The following PIP5K1B variants were observed in gnomAD, a reference collection of about 807,000 sequenced individuals.
The protein encoded by PIP5K1B is phosphatidylinositol 4-phosphate 5-kinase type-1 beta.
A neutral mutation model predicts 67.0 loss-of-function variants in PIP5K1B; 42 were observed. The ratio of observed to expected loss-of-function variants is 0.63; its 90% confidence interval spans 0.49 to 0.81. The LOEUF (loss-of-function observed/expected upper bound fraction) is 0.81. Ranked by LOEUF, PIP5K1B falls within the 30% of genes least tolerant of loss-of-function variation. PIP5K1B has a pLI of 0.00. For missense variants in PIP5K1B, 459 were observed against 646.3 expected, an observed-to-expected ratio of 0.71 and a Z score of 3.14; for synonymous variants, 214 against 231.4, an observed-to-expected ratio of 0.92 and a Z score of 0.68.
intron 13 of PIP5K1B, among the ~76,000 whole-genome samples, chr9:68,937,071 C>CT (rs1827299725): frequency 6.6e-6 from 1 of 152,004 alleles, no homozygotes; most frequent in Admixed American, 6.6e-5. Flanking sequence ...CTGAAATTTT[C>CT]TTTTTTTGCT....
At chr9:68,867,498 T>C (rs1823418025) in intron 5 of PIP5K1B, among the ~76,000 whole-genome samples, 1 of 152,240 alleles carries the variant, frequency 6.6e-6, no homozygotes. Context: ...CTTTGTTGGA[T>C]AAGACAACTC....
intron 5 of PIP5K1B, among the ~76,000 whole-genome samples, chr9:68,865,044 C>T (rs1287146014): frequency 6.6e-6 from 1 of 152,178 alleles, no homozygotes; most frequent in Non-Finnish European, 1.5e-5. Context: ...CACATAGTCA[C>T]CAAGGAGCAG....
intron 2 of PIP5K1B, among the ~76,000 whole-genome samples, chr9:68,813,888 C>T (rs1833294592): frequency 6.6e-6 from 1 of 152,160 alleles, no homozygotes; most frequent in Admixed American, 6.5e-5. Flanking sequence ...TTATTTTGGA[C>T]TTCTAGCCTC....
chr9:68,873,774 G>A (rs773756997), intron 5 of PIP5K1B, among the ~76,000 whole-genome samples: 26 of 152,192 alleles, frequency 1.7e-4, no homozygotes, highest in Non-Finnish European at 3.1e-4. Flanking sequence ...ATTTGTAGAG[G>A]TTCTGTACTG....
chr9:68,922,363 C>T (rs10781276), intron 11 of PIP5K1B, among the ~76,000 whole-genome samples: 133,425 of 151,596 alleles, frequency 0.88, 59,484 homozygotes, highest in Non-Finnish European at 0.95. Flanking sequence ...CTGATGATGC[C>T]GATGCAGGAG....
chr9:68,786,281 A>G (rs1831609790), intron 2 of PIP5K1B: 1 of 152,174 alleles, frequency 6.6e-6, no homozygotes, highest in South Asian at 2.1e-4. Context: ...TTGAGCATTC[A>G]CTATGGGTCC....
In PIP5K1B at chr9:68,822,657, C is replaced by T; in HGVS notation, c.43C>T (p.Gln15Ter). 1.2e-6 allele frequency: 2 copies of T among 1,612,956 alleles called. No individual in the cohort carries two copies. Among genetic ancestry groups the T allele is most frequent in the Non-Finnish European group, 1.7e-6 (2 of 1,179,272 alleles). Reference protein sequence around the residue: ...AENGEAAPGKQNEEKTYKKTA... With the variant: ...AENGEAAPGK ...AAATGGAGAGGCAGCACCTGGAAAACAAAATGAAGAAAAAACCTATAAAAA... is the reference window on the plus strand; with the variant it reads ...AAATGGAGAGGCAGCACCTGGAAAATAAAATGAAGAAAAAACCTATAAAAA... The change falls in exon 4 of 16, where the codon CAA becomes TAA. Residue 15 changes from glutamine (Q) to a stop codon, truncating the protein, a stop_gained. Coordinates refer to ENST00000265382, the MANE Select transcript of PIP5K1B (RefSeq NM_003558.4). LOFTEE classifies it high-confidence loss of function.
chr9:68,799,753 T>A (rs1296100072), intron 2 of PIP5K1B, among the ~76,000 whole-genome samples: 2 of 152,126 alleles, frequency 1.3e-5, no homozygotes, highest in Non-Finnish European at 2.9e-5. Context: ...ATGAATGACT[T>A]AAAAATAATA....
chr9:68,880,968 G>A (rs953155675), intron 6 of PIP5K1B, among the ~76,000 whole-genome samples: 3 of 152,182 alleles, frequency 2.0e-5, no homozygotes, highest in East Asian at 3.9e-4. Flanking sequence ...GGAAAGGGTC[G>A]TTTGCATGAC....
intron 8 of PIP5K1B, among the ~76,000 whole-genome samples, chr9:68,912,672 A>G (rs536734309): frequency 5.3e-5 from 8 of 152,310 alleles, no homozygotes; most frequent in African/African-American, 1.9e-4. Flanking sequence ...ACTTTGCCCA[A>G]AAACAAGCAA....
intron 2 of PIP5K1B, chr9:68,784,194 C>A (rs567881035): frequency 9.0e-5 from 15 of 167,190 alleles, no homozygotes; most frequent in Non-Finnish European, 1.6e-4. Context: ...CATCATTATT[C>A]TGTAGACTGT....
intron 14 of PIP5K1B, among the ~76,000 whole-genome samples, chr9:68,952,955 G>A (rs1187595977): frequency 1.3e-5 from 2 of 151,296 alleles, no homozygotes. Flanking sequence ...CTAGGCCTTG[G>A]TGCAGGTCTA....
intron 7 of PIP5K1B, 91 bp downstream of exon 7, chr9:68,889,224 C>A: frequency 1.1e-6 from 1 of 906,460 alleles, no homozygotes; most frequent in Non-Finnish European, 1.7e-6. Context: ...GTGACTCAGG[C>A]ATGTTTCTTT....
intron 12 of PIP5K1B, among the ~76,000 whole-genome samples, chr9:68,934,212 T>C (rs1827143168): frequency 1.3e-5 from 2 of 152,224 alleles, no homozygotes; most frequent in African/African-American, 4.8e-5. Context: ...CAAGCATGAT[T>C]GATGGTGAAG....
intron 5 of PIP5K1B, among the ~76,000 whole-genome samples, chr9:68,866,535 A>C (rs1823363737): frequency 6.6e-6 from 1 of 152,218 alleles, no homozygotes; most frequent in African/African-American, 2.4e-5. Flanking sequence ...TGAAATAGAA[A>C]GGCTAAATAG....
intron 8 of PIP5K1B, among the ~76,000 whole-genome samples, chr9:68,903,886 G>T (rs984514797): frequency 3.9e-5 from 6 of 152,040 alleles, no homozygotes; most frequent in African/African-American, 1.2e-4. Context: ...CATCAAATAC[G>T]TATATACAAT....
At chr9:68,878,005 C>T (rs1253477372) in intron 6 of PIP5K1B, among the ~76,000 whole-genome samples, 1 of 133,442 alleles carries the variant, frequency 7.5e-6, no homozygotes, top group Non-Finnish European at 1.6e-5. Flanking sequence ...CAAGCACACG[C>T]ATTTGTTCTG....
chr9:68,916,918 C>T (rs1221824071), intron 8 of PIP5K1B, among the ~76,000 whole-genome samples: 2 of 151,638 alleles, frequency 1.3e-5, no homozygotes, highest in African/African-American at 2.4e-5. Flanking sequence ...CCACTAACTT[C>T]CAAGAAGTTT....
intron 6 of PIP5K1B, among the ~76,000 whole-genome samples, chr9:68,877,546 A>G (rs1823958760): frequency 6.6e-6 from 1 of 152,182 alleles, no homozygotes; most frequent in South Asian, 2.1e-4. Context: ...TCAAATATTT[A>G]TTGTTCATCC....
Sources: allele counts gnomAD v4.1 joint callset (sites outside exome capture counted in the v4.1 genomes callset), GRCh38; gene constraint gnomAD v4.1.1; transcripts MANE v1.5; gene names NCBI Gene and HGNC (gene_info 2026-07-23, HGNC 2026-07-21).